The following OCA2 variants were observed in gnomAD, a reference collection of about 807,000 sequenced individuals.
OCA2 encodes P protein.
Under a neutral mutation model 100.2 loss-of-function variants are expected in OCA2, and 77 were observed. That is an observed-to-expected ratio of 0.77 (90% CI 0.64 to 0.93). The LOEUF (loss-of-function observed/expected upper bound fraction) is 0.93, where lower values mean the gene tolerates loss of function less well. Ranked by LOEUF, OCA2 falls within the 40% of genes least tolerant of loss-of-function variation. The probability of loss-of-function intolerance (pLI) is 0.00; values close to 1 mark genes in which losing one functional copy is unlikely to be tolerated. For missense variants in OCA2, 1,062 were observed against 1,089.1 expected, an observed-to-expected ratio of 0.98 and a Z score of 0.35; for synonymous variants, 432 against 439.2, an observed-to-expected ratio of 0.98 and a Z score of 0.21.
At chr15:27,999,174 A>G (rs890950691) in intron 9 of OCA2, among the ~76,000 whole-genome samples, 8 of 152,152 alleles carry the variant, frequency 5.3e-5, no homozygotes, top group Non-Finnish European at 1.0e-4. Context: ...CATTGTGCAC[A>G]TGTACCCTAA....
intron 19 of OCA2, among the ~76,000 whole-genome samples, chr15:27,913,895 GCAAGCAAGCAAGCAAGCAAGCAAGCA>G (rs2038544236): frequency 2.6e-5 from 1 of 39,022 alleles, no homozygotes; most frequent in African/African-American, 9.9e-5. Flanking sequence ...AAGAAAGAAA[GCAAGCAAGCAAGCAAGCAAGCAAGCA>G]AGCAAGCAAG....
intron 18 of OCA2, among the ~76,000 whole-genome samples, chr15:27,946,642 CTTTACAT>C (rs2039847904): frequency 6.6e-6 from 1 of 152,168 alleles, no homozygotes; most frequent in South Asian, 2.1e-4. Context: ...AATCAAACTC[CTTTACAT>C]TTAATTCGGC....
chr15:27,815,820 TTA>T lies in OCA2; in HGVS notation c.2432+29137_2432+29138del, dbSNP rs2034275638. Among the ~76,000 whole-genome samples, 3 of 152,226 alleles carry T rather than the reference TTA, an allele frequency of 2.0e-5. No individual in the cohort carries two copies. In the South Asian group the frequency reaches 6.2e-4, roughly 32 times the overall value. ...ATAGCACACACAGTGACCCCCGTGT[TTA>T]TGTTTTACAAAGAAAATAATCATAT... is the stretch of plus-strand genomic sequence containing the variant. On this transcript the variant is annotated intron_variant, in intron 23 of 23. Coordinates refer to ENST00000354638, the MANE Select transcript of OCA2 (RefSeq NM_000275.3).
Position 27,759,829 on chromosome 15 carries a change from A to G in OCA2, c.2433-4357T>C, listed in dbSNP as rs571356410. On this transcript the variant is annotated intron_variant, in intron 23 of 23. Transcript: ENST00000354638. ...ACTAGAAAGAAATTCAGCAGAGAGA[A>G]CTCAACAATATCTTCCAGCAATCAA... Among the ~76,000 whole-genome samples the G allele has an allele frequency of 1.1e-4, 16 of 152,278 alleles. 1 individual carries two copies. Among genetic ancestry groups the G allele is most frequent in the African/African-American group, 3.8e-4 (16 of 41,576 alleles).
At chr15:27,814,919 GAT>G (rs1391556002) in intron 23 of OCA2, among the ~76,000 whole-genome samples, 24 of 149,880 alleles carry the variant, frequency 1.6e-4, no homozygotes, top group Admixed American at 7.4e-4. Context: ...TAGATAGATA[GAT>G]AGATAGATAG....
At chr15:27,902,451 C>T (rs1384920323) in intron 19 of OCA2, among the ~76,000 whole-genome samples, 2 of 152,010 alleles carry the variant, frequency 1.3e-5, no homozygotes, top group Non-Finnish European at 1.5e-5. Context: ...TTTCCTTTTC[C>T]CAAATTAAAG....
At chr15:27,751,270 A>G (rs558145791), downstream of OCA2, among the ~76,000 whole-genome samples, 3 of 152,166 alleles carry the variant, frequency 2.0e-5, no homozygotes, top group Non-Finnish European at 4.4e-5. Flanking sequence ...GACCCTTCCT[A>G]TGGTTATTCC....
At chr15:27,998,231 C>G in intron 9 of OCA2, among the ~76,000 whole-genome samples, 1 of 88,814 alleles carries the variant, frequency 1.1e-5, no homozygotes, top group East Asian at 2.4e-4. Context: ...TTCTGCACAG[C>G]AAAAGAAACT....
intron 16 of OCA2, among the ~76,000 whole-genome samples, chr15:27,956,290 A>T (rs2040220594): frequency 6.6e-6 from 1 of 152,182 alleles, no homozygotes; most frequent in Admixed American, 6.5e-5. Context: ...CAGAGGTTGC[A>T]GTGAGCCGAG....
intron 6 of OCA2, among the ~76,000 whole-genome samples, chr15:28,021,678 T>C (rs2042597750): frequency 6.6e-6 from 1 of 152,160 alleles, no homozygotes; most frequent in Non-Finnish European, 1.5e-5. Flanking sequence ...CCCCCAGTGA[T>C]GCCAAGCTTC....
At chr15:27,868,591 T>A (rs1221381844) in intron 21 of OCA2, among the ~76,000 whole-genome samples, 1 of 152,002 alleles carries the variant, frequency 6.6e-6, no homozygotes, top group African/African-American at 2.4e-5. Flanking sequence ...GGCTGCTCAA[T>A]GGGTAGAGTT....
At chr15:27,999,836 T>A (rs992900498) in intron 9 of OCA2, among the ~76,000 whole-genome samples, 4 of 151,964 alleles carry the variant, frequency 2.6e-5, no homozygotes, top group African/African-American at 7.3e-5. Flanking sequence ...CAATGTACTA[T>A]CCGAAAAAGA....
chr15:28,037,030 C>A (rs1042994838), intron 2 of OCA2, among the ~76,000 whole-genome samples: 11 of 152,024 alleles, frequency 7.2e-5, no homozygotes, highest in African/African-American at 2.7e-4. Context: ...CCAAGGGATG[C>A]CTGCTCAAGT....
intron 15 of OCA2, among the ~76,000 whole-genome samples, chr15:27,960,215 T>A (rs1423382842): frequency 6.6e-6 from 1 of 152,258 alleles, no homozygotes; most frequent in African/African-American, 2.4e-5. Flanking sequence ...TACACAAGAC[T>A]GAAATGTCAT....
chr15:27,919,790 T>C (rs948430471), intron 19 of OCA2, among the ~76,000 whole-genome samples: 5 of 152,148 alleles, frequency 3.3e-5, no homozygotes, highest in Admixed American at 2.0e-4. Context: ...TGGATGACTA[T>C]AATGCATCAA....
chr15:27,895,010 C>T (rs1468410820), intron 19 of OCA2, among the ~76,000 whole-genome samples: 8 of 152,182 alleles, frequency 5.3e-5, no homozygotes, highest in Admixed American at 4.6e-4. Flanking sequence ...GACACTCATA[C>T]CACAAACCAG....
At chr15:27,980,423 G>A (rs571636486) in intron 14 of OCA2, among the ~76,000 whole-genome samples, 8 of 152,228 alleles carry the variant, frequency 5.3e-5, no homozygotes, top group East Asian at 1.9e-4. Flanking sequence ...CACCGCGCAC[G>A]GCCAGTAATT....
chr15:28,012,397 C>T (rs2042268932), intron 9 of OCA2, among the ~76,000 whole-genome samples: 1 of 151,920 alleles, frequency 6.6e-6, no homozygotes, highest in African/African-American at 2.4e-5. Flanking sequence ...GGGGAGGCAG[C>T]CTCTGGGAGG....
At chr15:28,007,721 C>CAA (rs546301397) in intron 9 of OCA2, among the ~76,000 whole-genome samples, 1 of 132,404 alleles carries the variant, frequency 7.6e-6, no homozygotes. Flanking sequence ...GACTCCATCT[C>CAA]AAAAAAAAAA....
Sources: gnomAD v4.1 joint callset for allele counts (sites outside exome capture counted in the v4.1 genomes callset) on GRCh38, gnomAD v4.1.1 for gene constraint, MANE v1.5 for transcripts, NCBI Gene and HGNC (gene_info 2026-07-23, HGNC 2026-07-21) for gene names.